MAOB: variants seen among roughly 807,000 people sequenced by gnomAD.
MAOB encodes monoamine oxidase B, also known as amine oxidase [flavin-containing] B.
In MAOB, 15 loss-of-function variants were observed where a neutral mutation model predicts 41.9. That is an observed-to-expected ratio of 0.36 (90% confidence interval 0.24 to 0.55). The LOEUF is 0.55. Among genes scored for constraint, MAOB ranks in the 20% least tolerant of loss-of-function variants. The pLI, the probability that MAOB is intolerant of heterozygous loss-of-function variation, is 0.86. For synonymous variants in MAOB, 167 were observed against 144.2 expected (o/e 1.16, Z -1.13); for missense variants, 345 against 398.7 (o/e 0.87, Z 1.15).
chrX:43,825,075 G>A (rs370870321), intron 3 of MAOB, among the ~76,000 whole-genome samples: 1 of 112,554 alleles, frequency 8.9e-6, no homozygotes, highest in Non-Finnish European at 1.9e-5. Context: ...GAGTCTGTGC[G>A]TACTGTGTCA....
chrX:43,823,151 C>G (rs909330159), intron 3 of MAOB, among the ~76,000 whole-genome samples: 2 of 99,993 alleles, frequency 2.0e-5, no homozygotes, highest in Non-Finnish European at 4.0e-5. Context: ...CTCTCAGTAT[C>G]TAAAACAGAT....
chrX:43,849,346 T>A (rs1464529385), intron 1 of MAOB, among the ~76,000 whole-genome samples: 1 of 112,302 alleles, frequency 8.9e-6, no homozygotes, highest in Non-Finnish European at 1.9e-5. Context: ...TGACTCCAGA[T>A]AACAAGCACG....
intron 1 of MAOB, among the ~76,000 whole-genome samples, chrX:43,845,752 A>T (rs906464366): frequency 2.7e-5 from 3 of 112,858 alleles, no homozygotes; most frequent in African/African-American, 9.6e-5. Flanking sequence ...GTTGTGGTTT[A>T]TAAGAATCCA....
chrX:43,840,722 T>C (rs1041704234), intron 2 of MAOB, among the ~76,000 whole-genome samples: 3 of 110,158 alleles, frequency 2.7e-5, no homozygotes, highest in Non-Finnish European at 5.7e-5. Flanking sequence ...AGGGAAGCTG[T>C]GAGGGACTGT....
intron 8 of MAOB, among the ~76,000 whole-genome samples, chrX:43,783,356 T>G (rs891712074): frequency 3.6e-5 from 4 of 111,819 alleles, no homozygotes; most frequent in Non-Finnish European, 7.5e-5. Flanking sequence ...AGAAACAATT[T>G]CAGCTCATCC....
intron 8 of MAOB, among the ~76,000 whole-genome samples, chrX:43,785,642 A>G (rs1045850943): frequency 8.9e-6 from 1 of 112,160 alleles, no homozygotes; most frequent in African/African-American, 3.2e-5. Flanking sequence ...CTAGTTTTTG[A>G]TTTAAAGCAA....
At chrX:43,817,781 T>C (rs1468694478) in intron 3 of MAOB, among the ~76,000 whole-genome samples, 1 of 112,354 alleles carries the variant, frequency 8.9e-6, no homozygotes, top group Non-Finnish European at 1.9e-5. Context: ...ACAATATTTA[T>C]CTGCCAGATA....
chrX:43,836,369 G>C (rs1311773588), intron 3 of MAOB, among the ~76,000 whole-genome samples: 1 of 112,482 alleles, frequency 8.9e-6, no homozygotes, highest in Admixed American at 9.4e-5. Context: ...GGACTTCTTA[G>C]CTATAAGGTC....
chrX:43,818,920 C>T (rs964369110), intron 3 of MAOB, among the ~76,000 whole-genome samples: 3 of 111,787 alleles, frequency 2.7e-5, no homozygotes, highest in African/African-American at 6.5e-5. Flanking sequence ...TTCATAGCTT[C>T]GCCTGGCTAT....
intron 5 of MAOB, among the ~76,000 whole-genome samples, chrX:43,801,903 C>T (rs3027458): frequency 0.054 from 6,112 of 112,653 alleles, 321 homozygotes; most frequent in South Asian, 0.18. Flanking sequence ...TAAGCTGTTT[C>T]AGATAAAGAA....
intron 11 of MAOB, 71 bp from the exon 12 acceptor site, chrX:43,775,343 G>C (rs1401376138): frequency 1.8e-6 from 2 of 1,142,658 alleles, no homozygotes; most frequent in Non-Finnish European, 2.3e-6. Flanking sequence ...AAATCGAACA[G>C]TTTAGTAGGC....
chrX:43,807,312 C>T (rs984180672), intron 3 of MAOB, among the ~76,000 whole-genome samples: 4 of 111,995 alleles, frequency 3.6e-5, no homozygotes, highest in Non-Finnish European at 7.5e-5. Context: ...GTTACTTAAT[C>T]GTCCAGGCCC....
Position 43,767,331 on chromosome X carries a change from A to C in MAOB, c.*135T>G. On this transcript the variant is annotated 3_prime_UTR_variant, in exon 15 of 15. Coordinates refer to ENST00000378069, the MANE Select transcript of MAOB (RefSeq NM_000898.5). The stretch of plus-strand genomic sequence containing the variant: ...AAGAGATACCATGTATTTTACAGTC[A>C]GAGTTGGATTTATCTTCATGCTCCC... 6.9e-6 allele frequency: 4 copies of C among 580,181 alleles called. No individual in the cohort carries two copies. Among genetic ancestry groups the C allele is most frequent in the African/African-American group, 2.3e-5 (1 of 43,805 alleles). 47.8% of individuals were successfully genotyped at this position (580,181 alleles called of 1,213,427 possible).
At chrX:43,774,298 T>C (rs1397617880) in intron 12 of MAOB, among the ~76,000 whole-genome samples, 2 of 111,742 alleles carry the variant, frequency 1.8e-5, no homozygotes, top group Non-Finnish European at 3.8e-5. Context: ...TGTCATCAAA[T>C]AAATTAACTA....
chrX:43,878,201 T>C (rs1361790521), intron 1 of MAOB, among the ~76,000 whole-genome samples: 1 of 111,408 alleles, frequency 9.0e-6, no homozygotes, highest in Non-Finnish European at 1.9e-5. Flanking sequence ...GCATAAGAAA[T>C]GAGATTCATA....
intron 3 of MAOB, among the ~76,000 whole-genome samples, chrX:43,826,370 G>A (rs776217176): frequency 9.0e-6 from 1 of 111,677 alleles, no homozygotes; most frequent in East Asian, 2.8e-4. Context: ...GCTCTAAAAG[G>A]GACAGGCTCA....
chrX:43,851,561 A>T (rs1244594472), intron 1 of MAOB, among the ~76,000 whole-genome samples: 1 of 111,802 alleles, frequency 8.9e-6, no homozygotes, highest in Non-Finnish European at 1.9e-5. Context: ...CCTCCTACGG[A>T]TTACCAACAC....
At chrX:43,870,583 C>T (rs1316221189) in intron 1 of MAOB, among the ~76,000 whole-genome samples, 1 of 109,816 alleles carries the variant, frequency 9.1e-6, no homozygotes, top group Non-Finnish European at 1.9e-5. Flanking sequence ...ATCATGAGGT[C>T]AGGAGATCGA....
chrX:43,830,992 TAA>T (rs2035012882), intron 3 of MAOB, among the ~76,000 whole-genome samples: 1 of 59,673 alleles, frequency 1.7e-5, no homozygotes, highest in African/African-American at 6.7e-5. Context: ...GGTCAATGAT[TAA>T]GTGTGTGTGT....
Sources: allele counts gnomAD v4.1 joint callset (sites outside exome capture counted in the v4.1 genomes callset), GRCh38; gene constraint gnomAD v4.1.1; transcripts MANE v1.5; gene names NCBI Gene and HGNC (gene_info 2026-07-23, HGNC 2026-07-21).